The following PFKFB4 variants were observed in gnomAD, a reference collection of about 807,000 sequenced individuals.
PFKFB4 encodes 6-phosphofructo-2-kinase/fructose-2,6-biphosphatase 4.
PFKFB4 carries 42 observed loss-of-function variants against 62.8 expected under a neutral mutation model. That is an observed-to-expected ratio of 0.67 (90% CI 0.52 to 0.86). The LOEUF is 0.86. Among genes scored for constraint, PFKFB4 ranks in the 40% least tolerant of loss-of-function variants. The probability of loss-of-function intolerance (pLI) is 0.00; values close to 1 mark genes in which losing one functional copy is unlikely to be tolerated. For synonymous variants in PFKFB4, 204 were observed against 240.7 expected, an observed-to-expected ratio of 0.85 and a Z score of 1.41; for missense variants, 475 against 627.2, an observed-to-expected ratio of 0.76 and a Z score of 2.59.
intron 3 of PFKFB4, among the ~76,000 whole-genome samples, chr3:48,545,667 A>G (rs188431433): frequency 1.9e-4 from 28 of 150,306 alleles, no homozygotes; most frequent in African/African-American, 6.6e-4. Context: ...GGGTCTCACT[A>G]TGTTCCCCAG....
chr3:48,545,404 T>C (rs1018377175), intron 3 of PFKFB4, among the ~76,000 whole-genome samples: 2 of 152,208 alleles, frequency 1.3e-5, no homozygotes, highest in East Asian at 1.9e-4. Context: ...AGTGCTGGGA[T>C]TGCAAGCTTG....
At position 48,556,734 on chromosome 3, in the gene PFKFB4, ATCT is replaced by A. The variant is rs1243464562; in HGVS notation, c.41_43del (p.Lys14del). ...CCGCCCATTGCTGTATGGCATCCAG[ATCT>A]TCTTCAGGGGGTTCTGTGTCAATTC... On this transcript the variant is annotated inframe_deletion, in exon 1 of 14. Coordinates refer to ENST00000232375, the MANE Select transcript of PFKFB4 (RefSeq NM_004567.4). The surrounding 1 kb of genome is among the most constrained non-coding windows in gnomAD (Gnocchi z 5.7). 1 of 1,607,202 alleles carries A rather than the reference ATCT, an allele frequency of 6.2e-7. No individual in the cohort carries two copies. The highest frequency in any genetic ancestry group is 2.3e-5 in the East Asian group (1 of 43,742).
In PFKFB4 at chr3:48,556,434, G is replaced by C. The variant is rs537892079; in HGVS notation, c.97+247C>G. Among the ~76,000 whole-genome samples the C allele has an allele frequency of 6.6e-6, 1 of 152,164 alleles. No homozygotes were observed. The highest frequency in any genetic ancestry group is 2.1e-4 in the South Asian group (1 of 4,824). On this transcript the variant is annotated intron_variant, in intron 1 of 13. Coordinates refer to ENST00000232375, the MANE Select transcript of PFKFB4 (RefSeq NM_004567.4). This position sits in a 1 kb window ranked among gnomAD's most constrained non-coding sequence, Gnocchi z 5.7. ...CCCGAGGTGATGGTGGCCAGACCTA[G>C]CCACCGCCAAGCCGATATGCCCCCA...
chr3:48,557,065 G>T, upstream of PFKFB4: 1 of 960,354 alleles, frequency 1.0e-6, no homozygotes, highest in Non-Finnish European at 1.4e-6. Flanking sequence ...GATTGTACTG[G>T]TCCCGCCCCA....
intron 1 of PFKFB4, among the ~76,000 whole-genome samples, chr3:48,552,841 A>G (rs773816527): frequency 6.6e-6 from 1 of 152,082 alleles, no homozygotes; most frequent in African/African-American, 2.4e-5. Flanking sequence ...CCCGCCTTCC[A>G]CCCACATGCG....
intron 3 of PFKFB4, 21 bp downstream of exon 3, chr3:48,549,841 CCA>C (rs1217016329): frequency 1.4e-6 from 2 of 1,452,582 alleles, no homozygotes; most frequent in African/African-American, 2.8e-5. Flanking sequence ...ACCTCTCCCC[CCA>C]CACCCAACAC....
chr3:48,550,185 G>T lies in PFKFB4; in HGVS notation c.147C>A (p.Ala49=). The T allele has an allele frequency of 6.2e-7, 1 of 1,614,186 alleles. No homozygotes were observed. Among genetic ancestry groups the T allele is most frequent in the Non-Finnish European group, 8.5e-7 (1 of 1,180,004 alleles). The change falls in exon 2 of 14, where the codon GCC becomes GCA. Residue 49 remains alanine, a synonymous_variant. Coordinates refer to ENST00000232375, the MANE Select transcript of PFKFB4 (RefSeq NM_004567.4). Reference sequence around the variant, plus strand: ...TCTTGGAGATGTAGGTCTTGCCCCTGGCGGGCAGGCCCACCATGACAATGA... The same window carrying T: ...TCTTGGAGATGTAGGTCTTGCCCCTTGCGGGCAGGCCCACCATGACAATGA... The part of the protein sequence containing the change: ...PTLIVMVGLP[A]RGKTYISKKL...
At chr3:48,544,369 C>G (rs2042895327) in intron 3 of PFKFB4, among the ~76,000 whole-genome samples, 1 of 150,742 alleles carries the variant, frequency 6.6e-6, no homozygotes, top group African/African-American at 2.4e-5. Context: ...ATCTCTTCTT[C>G]TATCATATCC....
Position 48,539,315 on chromosome 3 carries a change from G to A in PFKFB4, c.454-5C>T, listed in dbSNP as rs376019587. 1.8e-5 allele frequency: 29 copies of A among 1,613,692 alleles called. No individual in the cohort carries two copies. The African/African-American group carries it at 2.9e-4, about 16-fold the overall frequency. On this transcript the variant is annotated splice_region_variant and splice_polypyrimidine_tract_variant and intron_variant, in intron 5 of 13. Coordinates refer to ENST00000232375, the MANE Select transcript of PFKFB4 (RefSeq NM_004567.4). ...GATGGACTCGACAAAAAAGGTCTGC[G>A]GCAGGACCAGAAGCGCCGGGGTGGT...
chr3:48,537,394 A>G (rs575398561), intron 7 of PFKFB4, among the ~76,000 whole-genome samples: 1 of 152,278 alleles, frequency 6.6e-6, no homozygotes, highest in South Asian at 2.1e-4. Context: ...CCCAGGTGGC[A>G]GGTGCCATTC....
Position 48,519,404 on chromosome 3 carries a change from A to G in PFKFB4, c.*343T>C, listed in dbSNP as rs1042357518. 4 of 255,348 alleles carry G rather than the reference A, an allele frequency of 1.6e-5. No homozygotes were observed. The highest frequency in any genetic ancestry group is 1.2e-3 in the Middle Eastern group (1 of 814). 15.8% of individuals were successfully genotyped at this position (255,348 alleles called of 1,614,324 possible). A position where few individuals can be genotyped will look rare whatever the true frequency, so the allele number is the denominator to read the frequency against. ...ATCACAGCAAGCACTTTCCTTTCAC[A>G]TTGTAGGGTTTCACACTTCACAAAG... On this transcript the variant is annotated 3_prime_UTR_variant, in exon 14 of 14. Coordinates refer to ENST00000232375, the MANE Select transcript of PFKFB4 (RefSeq NM_004567.4).
At chr3:48,554,132 A>G (rs908595448) in intron 1 of PFKFB4, among the ~76,000 whole-genome samples, 11 of 151,782 alleles carry the variant, frequency 7.2e-5, no homozygotes, top group African/African-American at 2.2e-4. Flanking sequence ...TGGGGACTAG[A>G]CTCCAGAGAA....
rs1201640049 is a variant in PFKFB4 at position 48,549,888 on chromosome 3, T to C, written c.287A>G (p.Asn96Ser). 2.5e-6 allele frequency: 4 copies of C among 1,611,948 alleles called. No homozygotes were observed. The African/African-American group carries it at 5.3e-5, about 22-fold the overall frequency. The change falls in exon 3 of 14, where the codon AAT becomes AGT. Residue 96 changes from asparagine to serine, a missense_variant. Asn to Ser is a conservative substitution (Grantham distance 46, BLOSUM62 1). Coordinates refer to ENST00000232375, the MANE Select transcript of PFKFB4 (RefSeq NM_004567.4). Reference sequence around the variant, plus strand: ...CTTCCTGATTTTCAGGCCCTCTTCATTGTCGGGGAGAAAAAATTCAAAAGA... The same window carrying C: ...CTTCCTGATTTTCAGGCCCTCTTCACTGTCGGGGAGAAAAAATTCAAAAGA... The part of the protein sequence containing the change: ...YKSFEFFLPD[N>S]EEGLKIRKQC...
rs779703395 is a variant in PFKFB4 at position 48,539,251 on chromosome 3, C to A, written c.510+3G>T. On this transcript the variant is annotated splice_donor_region_variant and intron_variant, in intron 6 of 13. Coordinates refer to ENST00000232375, the MANE Select transcript of PFKFB4 (RefSeq NM_004567.4). ...TTCTGACAAGGTCAGATGCACTACT[C>A]ACCACGATGTTGGCAGCTATGACCT... The A allele has an allele frequency of 6.2e-7, 1 of 1,611,834 alleles. No individual in the cohort carries two copies. The highest frequency in any genetic ancestry group is 8.5e-7 in the Non-Finnish European group (1 of 1,177,962).
chr3:48,562,677 C>T (rs2043450507), upstream of PFKFB4: 4 of 1,071,134 alleles, frequency 3.7e-6, no homozygotes, highest in Non-Finnish European at 5.2e-6. This position sits in a 1 kb window ranked among gnomAD's most constrained non-coding sequence, Gnocchi z 4.3. Flanking sequence ...GATGTGGCAG[C>T]GTCCAGACAC....
chr3:48,548,809 G>A (rs1042339496), intron 3 of PFKFB4: 23 of 152,276 alleles, frequency 1.5e-4, no homozygotes, highest in African/African-American at 5.5e-4. Flanking sequence ...CTGAATATCA[G>A]GCTCCCCTTC....
chr3:48,542,691 T>C (rs1203066875), intron 4 of PFKFB4, among the ~76,000 whole-genome samples: 1 of 151,862 alleles, frequency 6.6e-6, no homozygotes, highest in Non-Finnish European at 1.5e-5. Flanking sequence ...TTTAGGAAGA[T>C]CAGCAAATCA....
intron 1 of PFKFB4, among the ~76,000 whole-genome samples, chr3:48,553,982 G>A (rs528478104): frequency 5.6e-4 from 85 of 152,258 alleles, no homozygotes; most frequent in African/African-American, 1.9e-3. Flanking sequence ...GTCTGAGCTC[G>A]GAGGCCAATG....
intron 6 of PFKFB4, among the ~76,000 whole-genome samples, 154 bp downstream of exon 6, chr3:48,539,100 T>C (rs974630964): frequency 6.6e-6 from 1 of 152,034 alleles, no homozygotes; most frequent in Non-Finnish European, 1.5e-5. Context: ...TCCACAGTGA[T>C]CCACAGAGGG....
Sources: allele counts gnomAD v4.1 joint callset (sites outside exome capture counted in the v4.1 genomes callset), GRCh38; gene constraint gnomAD v4.1.1; non-coding constraint Gnocchi (gnomAD v3.1); transcripts MANE v1.5; gene names NCBI Gene and HGNC (gene_info 2026-07-23, HGNC 2026-07-21).